TPTE: variants seen among roughly 807,000 people sequenced by gnomAD.
The protein encoded by TPTE is transmembrane phosphatase with tensin homology, also known as putative tyrosine-protein phosphatase TPTE.
A neutral mutation model predicts 84.1 loss-of-function variants in TPTE; 59 were observed. The ratio of observed to expected loss-of-function variants is 0.70; its 90% confidence interval spans 0.57 to 0.87. The LOEUF (loss-of-function observed/expected upper bound fraction) is 0.87. Among genes scored for constraint, TPTE ranks in the 40% least tolerant of loss-of-function variants. The pLI is 0.00. For synonymous variants in TPTE, 130 were observed against 223.5 expected, an observed-to-expected ratio of 0.58 and a Z score of 3.73; for missense variants, 382 against 659.6, an observed-to-expected ratio of 0.58 and a Z score of 4.61.
rs377457864 is a variant in TPTE at position 10,567,752 on chromosome 21, A to AT, written c.537dup (p.Asp180Ter). 623 of 1,611,408 alleles carry AT rather than the reference A, an allele frequency of 3.9e-4. No individual in the cohort carries two copies. In the African/African-American group the frequency reaches 6.7e-3, roughly 17 times the overall value. ...TCTTCTGCTGGTTGATGTCGTTTACATTTTTTTTGACATTAAGTTGCTTAG... is the reference window on the plus strand; with the variant it reads ...TCTTCTGCTGGTTGATGTCGTTTACATTTTTTTTTGACATTAAGTTGCTTAG... On this transcript the variant is annotated frameshift_variant, in exon 11 of 24. Transcript: ENST00000618007. LOFTEE classifies it high-confidence loss of function.
chr21:10,590,556 G>A (rs555580396), intron 18 of TPTE, 33 bp downstream of exon 18: 1 of 1,613,176 alleles, frequency 6.2e-7, no homozygotes, highest in African/African-American at 1.3e-5. Flanking sequence ...TTTGTCTTAG[G>A]ATGATTGAGT....
At chr21:10,549,951 T>A (rs1423770096) in intron 7 of TPTE, among the ~76,000 whole-genome samples, 2 of 152,310 alleles carry the variant, frequency 1.3e-5, no homozygotes, top group African/African-American at 4.8e-5. Context: ...GGAATCCCCA[T>A]TAGACTAACA....
At chr21:10,530,844 TATA>T (rs2074165053) in intron 3 of TPTE, among the ~76,000 whole-genome samples, 1 of 152,312 alleles carries the variant, frequency 6.6e-6, no homozygotes, top group South Asian at 2.1e-4. Context: ...TTCCAATTTA[TATA>T]ATCAGTCTAA....
chr21:10,566,870 G>C (rs189018325), intron 10 of TPTE, among the ~76,000 whole-genome samples: 30 of 152,390 alleles, frequency 2.0e-4, no homozygotes, highest in African/African-American at 7.0e-4. Context: ...CCAGCTACTC[G>C]TGAGGCTGAG....
intron 23 of TPTE, among the ~76,000 whole-genome samples, chr21:10,605,116 C>T (rs1490176787): frequency 9.7e-4 from 147 of 152,224 alleles, no homozygotes; most frequent in Non-Finnish European, 1.6e-3. Context: ...TCATGTCTAT[C>T]CTGACTGATT....
chr21:10,566,958 CAA>C (rs1415659830), intron 10 of TPTE, among the ~76,000 whole-genome samples: 1 of 131,802 alleles, frequency 7.6e-6, no homozygotes. Context: ...GCCTGGGCAA[CAA>C]GAGTGAAACT....
intron 20 of TPTE, among the ~76,000 whole-genome samples, chr21:10,597,755 G>A (rs1401633080): frequency 6.6e-6 from 1 of 152,308 alleles, no homozygotes; most frequent in Non-Finnish European, 1.5e-5. Context: ...TAAAAGTGAT[G>A]GGATTCTAAG....
rs368651957 is a variant in TPTE, at chr21:10,526,254, G to C, written c.-101-1101G>C. On this transcript the variant is annotated intron_variant, in intron 2 of 23. Coordinates refer to ENST00000618007, the MANE Select transcript of TPTE (RefSeq NM_199261.4). The stretch of plus-strand genomic sequence containing the variant: ...TGAAAGGTTCCCCTCATGGCCCTCA[G>C]ACCAGGCTAACGAGATGCGATAATT... Among the ~76,000 whole-genome samples, 301 of 152,302 alleles carry C rather than the reference G, an allele frequency of 2.0e-3. No homozygotes were observed. The East Asian group carries it at 0.027, about 14-fold the overall frequency.
chr21:10,530,605 C>G (rs572428937), intron 3 of TPTE, among the ~76,000 whole-genome samples: 20 of 152,408 alleles, frequency 1.3e-4, no homozygotes, highest in African/African-American at 4.8e-4. Flanking sequence ...TTTGCCTTCA[C>G]AAAGAGTGCC....
At chr21:10,574,457 G>T (rs1449104217) in intron 14 of TPTE, among the ~76,000 whole-genome samples, 1 of 152,312 alleles carries the variant, frequency 6.6e-6, no homozygotes, top group Admixed American at 6.5e-5. Flanking sequence ...AAGGGCTATA[G>T]GAATTAAGAA....
Position 10,590,523 on chromosome 21 carries a change from G to T in TPTE, c.1089G>T (p.Lys363Asn), listed in dbSNP as rs73336307. The change falls in exon 18 of 24, where the codon AAG becomes AAT. Residue 363 changes from lysine to asparagine, a missense_variant and splice_region_variant. Transcript: ENST00000618007. ...CCTCTGAAATATGTTCAACTGCAAA[G>T]GTATGAAAGATGTTCTACAAACTTT... ...LIASEICSTA[K>N]ESLYYFGERR... is the part of the protein sequence containing the mutation. 2.4e-3 allele frequency: 3,931 copies of T among 1,605,410 alleles called. No individual in the cohort carries two copies. In the African/African-American group the frequency reaches 0.032, roughly 13 times the overall value.
intron 14 of TPTE, among the ~76,000 whole-genome samples, chr21:10,576,852 T>C (rs958290560): frequency 8.2e-3 from 267 of 32,376 alleles, no homozygotes; most frequent in African/African-American, 0.057. Context: ...TATATATATA[T>C]ATATATATAT....
chr21:10,549,183 A>G lies in TPTE; in HGVS notation c.174-3474A>G, dbSNP rs371898520. Among the ~76,000 whole-genome samples the G allele has an allele frequency of 3.9e-4, 60 of 152,398 alleles. No individual in the cohort carries two copies. The South Asian group carries it at 0.011, about 28-fold the overall frequency. On this transcript the variant is annotated intron_variant, in intron 7 of 23. Coordinates refer to ENST00000618007, the MANE Select transcript of TPTE (RefSeq NM_199261.4). ...GCATCCATGTAGAACCAAGGCCGGT[A>G]TACCCCAATGAACTGACATCCAAGA...
chr21:10,548,584 C>G (rs539160594), intron 7 of TPTE, among the ~76,000 whole-genome samples: 67 of 152,406 alleles, frequency 4.4e-4, no homozygotes, highest in South Asian at 3.1e-3. Context: ...TGGACTACCC[C>G]CAGCAGACAC....
chr21:10,579,612 T>C (rs1485603373), intron 17 of TPTE, among the ~76,000 whole-genome samples: 4 of 152,306 alleles, frequency 2.6e-5, no homozygotes, highest in Non-Finnish European at 5.9e-5. Context: ...TTTTTTAGAT[T>C]CCACAAATAA....
At chr21:10,525,300 C>T (rs1194201185) in intron 2 of TPTE, among the ~76,000 whole-genome samples, 4 of 152,310 alleles carry the variant, frequency 2.6e-5, no homozygotes, top group Admixed American at 6.5e-5. Context: ...AGACAGCCCA[C>T]CCTTGCATAA....
At chr21:10,563,555 A>C (rs2074850825) in intron 10 of TPTE, among the ~76,000 whole-genome samples, 1 of 152,312 alleles carries the variant, frequency 6.6e-6, no homozygotes, top group Non-Finnish European at 1.5e-5. Flanking sequence ...TTACTTGTTT[A>C]TGAAAACTTA....
chr21:10,543,053 C>A (rs559687552), intron 6 of TPTE, among the ~76,000 whole-genome samples: 1 of 98,842 alleles, frequency 1.0e-5, no homozygotes, highest in Admixed American at 1.6e-4. Flanking sequence ...GACGGAGTCT[C>A]GCTCTGTCGC....
chr21:10,529,159 C>T (rs879321486), intron 3 of TPTE, among the ~76,000 whole-genome samples: 24 of 147,158 alleles, frequency 1.6e-4, no homozygotes, highest in Non-Finnish European at 2.8e-4. Flanking sequence ...ACTGCAGCCT[C>T]GATGACAGAG....
Sources: allele counts gnomAD v4.1 joint callset (sites outside exome capture counted in the v4.1 genomes callset), GRCh38; gene constraint gnomAD v4.1.1; transcripts MANE v1.5; gene names NCBI Gene and HGNC (gene_info 2026-07-23, HGNC 2026-07-21).